IL1RAP: variants seen among roughly 807,000 people sequenced by gnomAD.
IL1RAP encodes interleukin 1 receptor accessory protein.
In IL1RAP, 35 loss-of-function variants were observed where a neutral mutation model predicts 60.7. The ratio of observed to expected loss-of-function variants is 0.58; its 90% CI spans 0.44 to 0.76. The LOEUF (loss-of-function observed/expected upper bound fraction) is 0.76, where lower values mean the gene tolerates loss of function less well. Among genes scored for constraint, IL1RAP ranks in the 30% least tolerant of loss-of-function variants. The pLI, the probability that IL1RAP is intolerant of heterozygous loss-of-function variation, is 0.00. For missense variants in IL1RAP, 572 were observed against 693.9 expected (o/e 0.82, Z 1.97); for synonymous variants, 268 against 250.9 (o/e 1.07, Z -0.64).
At chr3:190,620,568 C>T in intron 6 of IL1RAP, 128 bp downstream of exon 6, 1 of 788,604 alleles carries the variant, frequency 1.3e-6, no homozygotes, top group South Asian at 1.8e-5. Flanking sequence ...GTTTACAGTA[C>T]TGTCTCTAGA....
chr3:190,537,066 T>C (rs1046086939), intron 1 of IL1RAP, among the ~76,000 whole-genome samples: 5 of 152,108 alleles, frequency 3.3e-5, no homozygotes, highest in Non-Finnish European at 7.4e-5. Context: ...ATTTAAAAAA[T>C]TAACTTGGAA....
At chr3:190,524,883 C>T (rs539075842) in intron 1 of IL1RAP, among the ~76,000 whole-genome samples, 37 of 152,050 alleles carry the variant, frequency 2.4e-4, no homozygotes, top group African/African-American at 8.9e-4. Context: ...CATATATATA[C>T]ACATTTACAC....
intron 3 of IL1RAP, among the ~76,000 whole-genome samples, chr3:190,596,336 G>A (rs1267388083): frequency 6.6e-6 from 1 of 151,002 alleles, no homozygotes; most frequent in Non-Finnish European, 1.5e-5. Context: ...AAACATCCTA[G>A]CTCTATAGTC....
chr3:190,596,024 T>G (rs1203846177), intron 3 of IL1RAP, among the ~76,000 whole-genome samples: 1 of 152,192 alleles, frequency 6.6e-6, no homozygotes, highest in African/African-American at 2.4e-5. Context: ...AGGGTGTACA[T>G]GCAGAGACTA....
Position 190,623,507 on chromosome 3 carries a change from T to G in IL1RAP, c.775+92T>G. On this transcript the variant is annotated intron_variant, in intron 7 of 11. Transcript: ENST00000447382. ...AAGTTAATGCAAGAAAATAGACGAC[T>G]GTTGTAGAGAAACACATGAATTGAA... 5 of 913,938 alleles carry G rather than the reference T, an allele frequency of 5.5e-6. No homozygotes were observed. The Admixed American group carries it at 5.6e-5, about 10-fold the overall frequency. 56.6% of individuals were successfully genotyped at this position (913,938 alleles called of 1,614,324 possible). A position where few individuals can be genotyped will look rare whatever the true frequency, so the allele number is the denominator to read the frequency against.
At chr3:190,572,885 A>G (rs1381654066) in intron 3 of IL1RAP, among the ~76,000 whole-genome samples, 1 of 17,290 alleles carries the variant, frequency 5.8e-5, no homozygotes, top group Non-Finnish European at 1.1e-4. Context: ...TTTTTTTGAG[A>G]CGGAGTCTCG....
At chr3:190,571,283 G>C (rs1726898561) in intron 3 of IL1RAP, among the ~76,000 whole-genome samples, 1 of 152,050 alleles carries the variant, frequency 6.6e-6, no homozygotes, top group Admixed American at 6.5e-5. Flanking sequence ...AGGCTGAGGT[G>C]GGGAGATTGC....
chr3:190,585,002 C>A (rs3773969), intron 3 of IL1RAP, among the ~76,000 whole-genome samples: 5 of 151,802 alleles, frequency 3.3e-5, no homozygotes, highest in African/African-American at 9.7e-5. Context: ...TTATAACCCA[C>A]GAAATAATGT....
At chr3:190,639,315 T>C (rs1004161789) in intron 9 of IL1RAP, among the ~76,000 whole-genome samples, 15 of 152,344 alleles carry the variant, frequency 9.8e-5, no homozygotes, top group South Asian at 8.3e-4. Flanking sequence ...GATCTCGTTA[T>C]TTTTATTTCT....
intron 3 of IL1RAP, among the ~76,000 whole-genome samples, chr3:190,586,172 G>A (rs780348169): frequency 9.2e-5 from 14 of 152,104 alleles, no homozygotes; most frequent in Non-Finnish European, 1.9e-4. Context: ...CCTATGACAC[G>A]TTGCATCTTT....
chr3:190,588,391 C>T (rs929868173), intron 3 of IL1RAP, among the ~76,000 whole-genome samples: 5 of 152,222 alleles, frequency 3.3e-5, no homozygotes, highest in African/African-American at 4.8e-5. Flanking sequence ...GGATTACAGG[C>T]GTGAGCCACC....
At chr3:190,558,082 A>T (rs1304491998) in intron 2 of IL1RAP, among the ~76,000 whole-genome samples, 1 of 152,176 alleles carries the variant, frequency 6.6e-6, no homozygotes, top group African/African-American at 2.4e-5. Context: ...TGCCTTTGAG[A>T]TTCATCCAAG....
intron 3 of IL1RAP, among the ~76,000 whole-genome samples, chr3:190,603,543 A>C (rs1730035889): frequency 6.6e-6 from 1 of 152,228 alleles, no homozygotes; most frequent in African/African-American, 2.4e-5. Flanking sequence ...ACAGAAAAAG[A>C]ATGTAAATGT....
intron 3 of IL1RAP, among the ~76,000 whole-genome samples, chr3:190,571,083 C>T (rs911355889): frequency 3.3e-5 from 5 of 151,734 alleles, no homozygotes; most frequent in Non-Finnish European, 5.9e-5. Context: ...TGTAGATACT[C>T]AAGAGGAAAG....
chr3:190,582,215 A>G (rs12053868), intron 3 of IL1RAP, among the ~76,000 whole-genome samples: 12,426 of 151,776 alleles, frequency 0.082, 630 homozygotes, highest in East Asian at 0.14. Context: ...TTTTTGATCA[A>G]TCCATCTTTG....
At position 190,607,897 on chromosome 3, in the gene IL1RAP, C is replaced by T. The variant is rs145358478; in HGVS notation, c.351-1098C>T. Among the ~76,000 whole-genome samples the T allele has an allele frequency of 8.9e-4, 136 of 152,250 alleles. 1 individual carries two copies. Among genetic ancestry groups the T allele is most frequent in the African/African-American group, 3.2e-3 (133 of 41,550 alleles). On this transcript the variant is annotated intron_variant, in intron 4 of 11. Transcript: ENST00000447382. Reference sequence around the variant, plus strand: ...ATGGGCCATTTTGACTATTTGCTGTCTCTATTCCTCCTTTTCTATCGTTCT... The same window carrying T: ...ATGGGCCATTTTGACTATTTGCTGTTTCTATTCCTCCTTTTCTATCGTTCT...
At chr3:190,627,592 G>A (rs1304450399) in intron 8 of IL1RAP, 143 bp downstream of exon 8, 31 of 1,086,994 alleles carry the variant, frequency 2.9e-5, no homozygotes, top group Non-Finnish European at 3.8e-5. Context: ...AATCTTTGGT[G>A]ATTGCATCCC....
intron 2 of IL1RAP, among the ~76,000 whole-genome samples, chr3:190,559,564 G>A (rs935213735): frequency 6.6e-6 from 1 of 151,950 alleles, no homozygotes; most frequent in Non-Finnish European, 1.5e-5. Flanking sequence ...CACACACTTG[G>A]TATGTTTTAT....
At chr3:190,568,656 G>T (rs931150388) in intron 3 of IL1RAP, among the ~76,000 whole-genome samples, 2 of 152,084 alleles carry the variant, frequency 1.3e-5, no homozygotes, top group Non-Finnish European at 2.9e-5. Flanking sequence ...TTTTGTCATT[G>T]CATCCTTATT....
Sources: allele counts gnomAD v4.1 joint callset (sites outside exome capture counted in the v4.1 genomes callset), GRCh38; gene constraint gnomAD v4.1.1; transcripts MANE v1.5; gene names NCBI Gene and HGNC (gene_info 2026-07-23, HGNC 2026-07-21).